SEM1: variants seen among roughly 807,000 people sequenced by gnomAD.
SEM1 encodes the protein SEM1 26S proteasome subunit.
Under a neutral mutation model 12.7 loss-of-function variants are expected in SEM1, and 3 were observed. The ratio of observed to expected loss-of-function variants is 0.24; its 90% CI spans 0.11 to 0.61. SEM1 has a LOEUF of 0.61. SEM1 is among the 20% of genes least tolerant of loss of function. SEM1 has a pLI of 0.88. For synonymous variants in SEM1, 30 were observed against 27.8 expected (o/e 1.08, Z -0.25); for missense variants, 59 against 81.3 (o/e 0.73, Z 1.06).
chr7:96,696,164 G>C (rs890856965), intron 1 of SEM1: 1 of 151,528 alleles, frequency 6.6e-6, no homozygotes, highest in Non-Finnish European at 1.5e-5. Flanking sequence ...TCTCTCCCTC[G>C]TCTAATAACC....
chr7:96,493,084 G>A (rs1016767638), intron 1 of SEM1, among the ~76,000 whole-genome samples: 3 of 151,760 alleles, frequency 2.0e-5, no homozygotes, highest in South Asian at 2.1e-4. Flanking sequence ...AGTGATTGTC[G>A]TGCCTTAGCC....
chr7:96,689,840 C>G (rs1789875329), intron 2 of SEM1, among the ~76,000 whole-genome samples: 1 of 152,120 alleles, frequency 6.6e-6, no homozygotes, highest in Non-Finnish European at 1.5e-5. Flanking sequence ...GTCAAGACTC[C>G]AGTGCAAGAC....
At chr7:96,524,247 C>T (rs1804374938) in intron 2 of SEM1, among the ~76,000 whole-genome samples, 1 of 152,156 alleles carries the variant, frequency 6.6e-6, no homozygotes, top group Non-Finnish European at 1.5e-5. Flanking sequence ...GAATTCTCAA[C>T]ATCACCCCTA....
chr7:96,510,922 T>C (rs1803915920), intron 2 of SEM1, among the ~76,000 whole-genome samples: 2 of 152,128 alleles, frequency 1.3e-5, no homozygotes, highest in African/African-American at 4.8e-5. Flanking sequence ...TGAAAGCTGA[T>C]TGACCCTCAG....
At chr7:96,603,824 C>A (rs1807262121) in intron 2 of SEM1, among the ~76,000 whole-genome samples, 1 of 151,670 alleles carries the variant, frequency 6.6e-6, no homozygotes, top group South Asian at 2.1e-4. Flanking sequence ...AGAGAGATTT[C>A]AAAACTCATT....
intron 2 of SEM1, among the ~76,000 whole-genome samples, chr7:96,545,378 C>T (rs566954681): frequency 6.6e-5 from 10 of 151,816 alleles, no homozygotes; most frequent in African/African-American, 2.2e-4. Flanking sequence ...CTGCTCAGAA[C>T]GCCAAAGGAA....
chr7:96,693,278 ATT>A (rs1166444796), intron 2 of SEM1, among the ~76,000 whole-genome samples: 6 of 152,068 alleles, frequency 3.9e-5, no homozygotes, highest in Admixed American at 3.9e-4. Flanking sequence ...CAGTCTATTT[ATT>A]CTTGTAGCCA....
rs948681066 is a variant in SEM1, at chr7:96,521,283, T to C, written c.171-14585A>G. On this transcript the variant is annotated intron_variant and NMD_transcript_variant, in intron 2 of 3. Coordinates refer to the SEM1 transcript ENST00000466986. Reference sequence around the variant, plus strand: ...GTGTGTGAAAGGATGTAGGTTGTTATTCAGTGCCTCTGGCATATCGTGTTA... The same window carrying C: ...GTGTGTGAAAGGATGTAGGTTGTTACTCAGTGCCTCTGGCATATCGTGTTA... 2.0e-5 allele frequency among the ~76,000 whole-genome samples: 3 copies of C among 152,090 alleles called. No individual in the cohort carries two copies. The East Asian group carries it at 5.8e-4, about 29-fold the overall frequency.
At chr7:96,492,902 C>T (rs1803079509) in intron 1 of SEM1, among the ~76,000 whole-genome samples, 1 of 151,988 alleles carries the variant, frequency 6.6e-6, no homozygotes, top group Admixed American at 6.6e-5. Flanking sequence ...GTACAAATAT[C>T]TGTTCAAATC....
chr7:96,517,154 A>T (rs1362485014), intron 2 of SEM1, among the ~76,000 whole-genome samples: 3 of 152,176 alleles, frequency 2.0e-5, no homozygotes, highest in African/African-American at 7.2e-5. Context: ...GTGGATACAT[A>T]TCATAATACA....
chr7:96,655,479 A>AT (rs1809150010), intron 2 of SEM1, among the ~76,000 whole-genome samples: 1 of 138,292 alleles, frequency 7.2e-6, no homozygotes, highest in African/African-American at 2.7e-5. Flanking sequence ...TAGAGACGGG[A>AT]TTTTACCATG....
At chr7:96,486,365 T>C in exon 2 of SEM1, 3 of 1,537,102 alleles carry the variant, frequency 2.0e-6, no homozygotes, top group Non-Finnish European at 2.6e-6. Flanking sequence ...TATGCCATGC[T>C]TTCTTCCCAC....
At chr7:96,628,543 A>G (rs1423934342) in intron 2 of SEM1, among the ~76,000 whole-genome samples, 1 of 152,136 alleles carries the variant, frequency 6.6e-6, no homozygotes, top group Non-Finnish European at 1.5e-5. Context: ...CTTTAACTTT[A>G]TCCTCCCACT....
At chr7:96,692,096 C>A (rs1318844994) in intron 2 of SEM1, among the ~76,000 whole-genome samples, 1 of 152,106 alleles carries the variant, frequency 6.6e-6, no homozygotes, top group Non-Finnish European at 1.5e-5. Flanking sequence ...TACATAATGG[C>A]ACTGTGGGGG....
intron 2 of SEM1, among the ~76,000 whole-genome samples, chr7:96,651,218 G>A (rs1437698803): frequency 6.6e-6 from 1 of 152,150 alleles, no homozygotes; most frequent in African/African-American, 2.4e-5. Context: ...AAAATTCCAT[G>A]TTGGAAAAGG....
chr7:96,582,684 T>C (rs1214097832), intron 2 of SEM1, among the ~76,000 whole-genome samples: 1 of 152,288 alleles, frequency 6.6e-6, no homozygotes, highest in African/African-American at 2.4e-5. Context: ...TTCAACTTCT[T>C]CCTGGTTTAG....
At chr7:96,503,155 T>A (rs966733018) in intron 3 of SEM1, among the ~76,000 whole-genome samples, 1 of 152,172 alleles carries the variant, frequency 6.6e-6, no homozygotes, top group Non-Finnish European at 1.5e-5. Context: ...AAAATGGCTA[T>A]GATCAGCTCG....
chr7:96,591,595 G>A (rs1806830392), intron 2 of SEM1, among the ~76,000 whole-genome samples: 1 of 152,114 alleles, frequency 6.6e-6, no homozygotes, highest in African/African-American at 2.4e-5. Context: ...TTCATCAGAT[G>A]GCTTCTACCC....
At chr7:96,534,128 C>G (rs1361960753) in intron 2 of SEM1, among the ~76,000 whole-genome samples, 4 of 151,988 alleles carry the variant, frequency 2.6e-5, no homozygotes, top group South Asian at 4.1e-4. Context: ...GACTGACAAA[C>G]TAAGGTTATT....
Sources: gnomAD v4.1 joint callset for allele counts (sites outside exome capture counted in the v4.1 genomes callset) on GRCh38, gnomAD v4.1.1 for gene constraint, MANE v1.5 for transcripts, NCBI Gene and HGNC (gene_info 2026-07-23, HGNC 2026-07-21) for gene names.